Variants in FOCAD observed in about 807,000 individuals in gnomAD.
The protein encoded by FOCAD is KIAA1797.
Under a neutral mutation model 225.6 loss-of-function variants are expected in FOCAD, and 198 were observed. The ratio of observed to expected loss-of-function variants is 0.88; its 90% CI spans 0.78 to 0.99. The LOEUF (loss-of-function observed/expected upper bound fraction) is 0.99, where lower values mean the gene tolerates loss of function less well. Among genes scored for constraint, FOCAD ranks in the 50% least tolerant of loss-of-function variants. The pLI is 0.00. For synonymous variants in FOCAD, 897 were observed against 755.0 expected (o/e 1.19, Z -3.08); for missense variants, 2,713 against 2,123.6 (o/e 1.28, Z -5.46).
At chr9:20,711,410 A>C (rs1250729990) in intron 1 of FOCAD, among the ~76,000 whole-genome samples, 1 of 152,232 alleles carries the variant, frequency 6.6e-6, no homozygotes, top group Non-Finnish European at 1.5e-5. Flanking sequence ...AAACAATTGA[A>C]AACCCGCTAT....
At chr9:20,665,433 T>G (rs1821872049) in intron 2 of FOCAD, among the ~76,000 whole-genome samples, 1 of 152,208 alleles carries the variant, frequency 6.6e-6, no homozygotes, top group Non-Finnish European at 1.5e-5. Context: ...TTCATCTCTT[T>G]ATCTCATTCT....
rs557898107 is a variant in FOCAD, at chr9:20,892,187, T to C, written c.2625+6957T>C. On this transcript the variant is annotated intron_variant, in intron 21 of 43. Transcript: ENST00000338382. ...AATGCACCTAGTCACCCAATAGGTC[T>C]GATGGAGGTGTTCAAGGAGATGGAG... 3.9e-5 allele frequency among the ~76,000 whole-genome samples: 6 copies of C among 152,308 alleles called. No individual in the cohort carries two copies. The East Asian group carries it at 1.2e-3, about 29-fold the overall frequency.
chr9:20,694,493 T>C (rs1823187170), intron 1 of FOCAD: 1 of 152,220 alleles, frequency 6.6e-6, no homozygotes, highest in South Asian at 2.1e-4. Flanking sequence ...TTTTGTATTG[T>C]GATTTTGTAT....
chr9:20,774,820 C>G (rs761719923), intron 8 of FOCAD, among the ~76,000 whole-genome samples: 1 of 151,992 alleles, frequency 6.6e-6, no homozygotes, highest in South Asian at 2.1e-4. Context: ...CTCTCATTTG[C>G]CCAATGTTTT....
At chr9:20,665,346 A>G (rs1245733449) in intron 2 of FOCAD, among the ~76,000 whole-genome samples, 1 of 152,156 alleles carries the variant, frequency 6.6e-6, no homozygotes, top group Non-Finnish European at 1.5e-5. Context: ...GAAAATGTAA[A>G]TACTACATTT....
rs185794166 is a variant in FOCAD at position 20,739,514 on chromosome 9, A to G, written c.288-722A>G. Among the ~76,000 whole-genome samples the G allele has an allele frequency of 3.9e-3, 587 of 152,202 alleles. 6 individuals are homozygous for G. Among genetic ancestry groups the G allele is most frequent in the East Asian group, 0.026 (137 of 5,186 alleles). On this transcript the variant is annotated intron_variant, in intron 4 of 43. Coordinates refer to ENST00000338382, the MANE Select transcript of FOCAD (RefSeq NM_001375567.1). ...GCTACTTGGGAGGTTGAGGCAGGAG[A>G]ATCAGTTGAACCCAGGAGATGGAGG...
rs10629839 is a variant in FOCAD at position 20,866,888 on chromosome 9, C to CTTTT, written c.2107-15_2107-12dup. Reference sequence around the variant, plus strand: ...CATGTTGTGTTTTTTTGTTTGCTTGCTTTTTTTTTTTTTTTTTTTTTTTTT... The same window carrying CTTTT: ...CATGTTGTGTTTTTTTGTTTGCTTGCTTTTTTTTTTTTTTTTTTTTTTTTTTTTT... On this transcript the variant is annotated intron_variant, in intron 17 of 43. Coordinates refer to ENST00000338382, the MANE Select transcript of FOCAD (RefSeq NM_001375567.1). The CTTTT allele has an allele frequency of 7.5e-3, 2,576 of 341,898 alleles. 713 individuals carry two copies. Among genetic ancestry groups the CTTTT allele is most frequent in the African/African-American group, 0.017 (231 of 13,944 alleles). The allele number at this position is 341,898 out of a possible 1,614,324, so 21.2% of individuals were successfully genotyped here.
intron 15 of FOCAD, among the ~76,000 whole-genome samples, chr9:20,843,605 G>C (rs1297890157): frequency 6.6e-6 from 1 of 151,980 alleles, no homozygotes; most frequent in Non-Finnish European, 1.5e-5. Flanking sequence ...AAAGCTGCTT[G>C]GTGTTCCATA....
At chr9:20,935,457 A>G (rs547972014) in intron 28 of FOCAD, among the ~76,000 whole-genome samples, 12 of 152,172 alleles carry the variant, frequency 7.9e-5, no homozygotes, top group South Asian at 2.1e-4. Flanking sequence ...CTGGAGTGCA[A>G]TGGTGGAATC....
At chr9:20,882,086 A>G in intron 20 of FOCAD, 30 bp downstream of exon 20, 1 of 1,574,792 alleles carries the variant, frequency 6.4e-7, no homozygotes, top group Non-Finnish European at 8.6e-7. Flanking sequence ...TCAAAAATAC[A>G]GGTTTTTCAT....
At chr9:20,691,002 G>A (rs1822940926) in intron 1 of FOCAD, among the ~76,000 whole-genome samples, 2 of 151,966 alleles carry the variant, frequency 1.3e-5, no homozygotes, top group South Asian at 4.2e-4. Flanking sequence ...GAGTGCAGTG[G>A]CGTGACCTCG....
intron 24 of FOCAD, 86 bp downstream of exon 24, chr9:20,917,023 T>A: frequency 1.9e-6 from 2 of 1,076,024 alleles, no homozygotes; most frequent in Non-Finnish European, 2.7e-6. Context: ...TTAGGGCATT[T>A]CATAATTTTA....
chr9:20,755,455 C>G (rs1828963098), intron 5 of FOCAD, among the ~76,000 whole-genome samples: 2 of 152,188 alleles, frequency 1.3e-5, no homozygotes, highest in South Asian at 4.1e-4. Flanking sequence ...TCATTTTATA[C>G]TATTTTTTAT....
intron 4 of FOCAD, among the ~76,000 whole-genome samples, chr9:20,723,870 G>C (rs1220928891): frequency 6.6e-6 from 1 of 151,914 alleles, no homozygotes; most frequent in African/African-American, 2.4e-5. Context: ...AGGCTGTACA[G>C]GAAGCATGGT....
At chr9:20,965,473 T>C (rs1033733323) in intron 35 of FOCAD, among the ~76,000 whole-genome samples, 1 of 152,180 alleles carries the variant, frequency 6.6e-6, no homozygotes, top group East Asian at 1.9e-4. Context: ...GTTTCTCTTG[T>C]GGTTTCTACT....
rs962763117 is a variant in FOCAD at position 20,976,662 on chromosome 9, A to T, written c.4261+114A>T. The T allele has an allele frequency of 1.4e-5, 16 of 1,161,150 alleles. No homozygotes were observed. In the African/African-American group the frequency reaches 2.5e-4, roughly 18 times the overall value. 71.9% of individuals were successfully genotyped at this position (1,161,150 alleles called of 1,614,324 possible). A position where few individuals can be genotyped will look rare whatever the true frequency, so the allele number is the denominator to read the frequency against. On this transcript the variant is annotated intron_variant, in intron 36 of 43. Coordinates refer to ENST00000338382, the MANE Select transcript of FOCAD (RefSeq NM_001375567.1). ...GACTGGATAGACTTTTCAGATCTTG[A>T]GGTTTGTCATGTTGGATGGAATGGC...
At chr9:20,935,591 G>A (rs1366948342) in intron 28 of FOCAD, among the ~76,000 whole-genome samples, 2 of 152,096 alleles carry the variant, frequency 1.3e-5, no homozygotes, top group African/African-American at 4.8e-5. Context: ...GTAGAGATGG[G>A]GTTTCACCAA....
chr9:20,713,905 G>A (rs1198263590), intron 1 of FOCAD, among the ~76,000 whole-genome samples: 1 of 152,170 alleles, frequency 6.6e-6, no homozygotes, highest in African/African-American at 2.4e-5. Flanking sequence ...TTTTTGACCT[G>A]CTTAAGCTAA....
chr9:20,686,745 G>A (rs1822694729), intron 1 of FOCAD, among the ~76,000 whole-genome samples: 1 of 152,152 alleles, frequency 6.6e-6, no homozygotes, highest in Admixed American at 6.5e-5. Flanking sequence ...GTATAATAAA[G>A]TATGGTATAC....
Sources: gnomAD v4.1 joint callset for allele counts (sites outside exome capture counted in the v4.1 genomes callset) on GRCh38, gnomAD v4.1.1 for gene constraint, MANE v1.5 for transcripts, NCBI Gene and HGNC (gene_info 2026-07-23, HGNC 2026-07-21) for gene names.